Variants in POLA1 observed in about 807,000 individuals in gnomAD.
POLA1 encodes DNA polymerase alpha catalytic subunit.
In POLA1, 15 loss-of-function variants were observed where a neutral mutation model predicts 124.0. The ratio of observed to expected loss-of-function variants is 0.12; its 90% CI spans 0.08 to 0.19. POLA1 has a LOEUF of 0.19. Ranked by LOEUF, POLA1 falls within the 10% of genes least tolerant of loss-of-function variation. The probability of loss-of-function intolerance (pLI) is 1.00; values close to 1 mark genes in which losing one functional copy is unlikely to be tolerated. For synonymous variants in POLA1, 408 were observed against 389.4 expected (o/e 1.05, Z -0.56); for missense variants, 886 against 1,103.4 (o/e 0.80, Z 2.79).
At chrX:24,788,623 C>T in intron 26 of POLA1, 1 of 1,194,758 alleles carries the variant, frequency 8.4e-7, no homozygotes, top group Non-Finnish European at 1.1e-6. Flanking sequence ...TCTCATCATC[C>T]CAAGGTTTCA....
chrX:24,826,468 T>C lies in POLA1; in HGVS notation c.3603T>C (p.Pro1201=). ...NLTASQRAYA[P]EQLQKQDNLT... ...CTGCAAGTCAGAGGGCCTATGCGCC[T>C]GAGCAGCTGCAGAAACAGGATAATC... The change falls in exon 32 of 37, where the codon CCT becomes CCC. Residue 1201 remains proline, a synonymous_variant. Coordinates refer to ENST00000379068, the MANE Select transcript of POLA1 (RefSeq NM_001330360.2). The C allele has an allele frequency of 8.3e-7, 1 of 1,207,005 alleles. No homozygotes were observed. Among genetic ancestry groups the C allele is most frequent in the Non-Finnish European group, 1.1e-6 (1 of 891,896 alleles).
At chrX:24,857,401 G>T (rs1203150878) in intron 34 of POLA1, among the ~76,000 whole-genome samples, 3 of 110,770 alleles carry the variant, frequency 2.7e-5, no homozygotes, top group Non-Finnish European at 5.7e-5. Context: ...TAGTTTGTTT[G>T]CCTTTCCATA....
chrX:24,897,367 C>T (rs1006413961), intron 35 of POLA1, among the ~76,000 whole-genome samples: 43 of 97,397 alleles, frequency 4.4e-4, no homozygotes, highest in Non-Finnish European at 8.0e-4. Flanking sequence ...GCCCCCCCCC[C>T]CACCAACCCC....
At chrX:24,705,521 AG>A in intron 4 of POLA1, among the ~76,000 whole-genome samples, 1 of 111,635 alleles carries the variant, frequency 9.0e-6, no homozygotes, top group East Asian at 2.8e-4. Flanking sequence ...CCTAAGAATA[AG>A]GATACCTGAC....
At chrX:24,960,408 G>A (rs972994795) in intron 36 of POLA1, among the ~76,000 whole-genome samples, 14 of 111,893 alleles carry the variant, frequency 1.3e-4, no homozygotes, top group African/African-American at 3.9e-4. Context: ...ACTCTGAGGA[G>A]ATTGAAGTGG....
chrX:24,792,553 A>C (rs1052924596), intron 26 of POLA1, among the ~76,000 whole-genome samples: 14 of 112,412 alleles, frequency 1.2e-4, no homozygotes, highest in African/African-American at 4.5e-4. Context: ...AGAATCATTT[A>C]ATAAGGCATG....
intron 36 of POLA1, among the ~76,000 whole-genome samples, chrX:24,994,480 T>C (rs1187674113): frequency 4.4e-5 from 5 of 112,466 alleles, no homozygotes; most frequent in African/African-American, 9.7e-5. Context: ...CGGGAGGTGC[T>C]GGGCAGCCTT....
At chrX:24,896,047 G>A (rs1341866125) in intron 35 of POLA1, among the ~76,000 whole-genome samples, 4 of 111,976 alleles carry the variant, frequency 3.6e-5, no homozygotes, top group Non-Finnish European at 5.6e-5. Flanking sequence ...TGTAATCCCA[G>A]TGCTCCCTAA....
At position 24,826,666 on chromosome X, in the gene POLA1, T is replaced by C; in HGVS notation, c.3736+65T>C. The C allele has an allele frequency of 4.3e-6, 3 of 693,317 alleles. No homozygotes were observed. In the South Asian group the frequency reaches 9.0e-5, roughly 21 times the overall value. The allele number at this position is 693,317 out of a possible 1,213,427, so 57.1% of individuals were successfully genotyped here. On this transcript the variant is annotated intron_variant, in intron 32 of 36. Coordinates refer to ENST00000379068, the MANE Select transcript of POLA1 (RefSeq NM_001330360.2). ...AGGGGCACATGTAGTCTTCCTTGTC[T>C]CTTGAGATCTCTGCTTATGGGCATG...
chrX:24,778,612 T>A (rs1469691601), intron 26 of POLA1, among the ~76,000 whole-genome samples: 1 of 112,291 alleles, frequency 8.9e-6, no homozygotes, highest in East Asian at 2.8e-4. Context: ...TGAGAACTTT[T>A]GAAAAATCAT....
chrX:24,754,975 T>G (rs1460568361), intron 26 of POLA1, among the ~76,000 whole-genome samples: 1 of 112,743 alleles, frequency 8.9e-6, no homozygotes, highest in Non-Finnish European at 1.9e-5. Context: ...TTCCAAGTTT[T>G]CATTTGTCTT....
intron 26 of POLA1, 140 bp from the exon 27 acceptor site, chrX:24,809,758 A>G: frequency 1.8e-5 from 7 of 399,387 alleles, no homozygotes; most frequent in Non-Finnish European, 3.0e-5. Context: ...TGTTATTTTA[A>G]GGGCTGTTGT....
chrX:24,934,579 C>G (rs909741750), intron 36 of POLA1, among the ~76,000 whole-genome samples: 8 of 112,327 alleles, frequency 7.1e-5, no homozygotes, highest in African/African-American at 2.6e-4. Flanking sequence ...TCCTCATATT[C>G]TGTGTCAGCT....
chrX:24,754,445 C>T (rs1163261737), intron 26 of POLA1, among the ~76,000 whole-genome samples: 1 of 110,227 alleles, frequency 9.1e-6, no homozygotes, highest in Non-Finnish European at 1.9e-5. Flanking sequence ...TTAATAGAGA[C>T]GGGGTTTCTC....
At chrX:24,918,315 C>G (rs904831466) in intron 35 of POLA1, among the ~76,000 whole-genome samples, 1 of 110,999 alleles carries the variant, frequency 9.0e-6, no homozygotes, top group Admixed American at 9.6e-5. Flanking sequence ...CTATTAGTCA[C>G]TAAAACTACA....
rs763812090 is a variant in POLA1 at position 24,771,068 on chromosome X, C to T, written c.2964+22076C>T. ...TCTCCTAGTGAGATGCATTACATCT[C>T]AGCCCAGAATGCTGAAGGTTCTTGT... On this transcript the variant is annotated intron_variant, in intron 26 of 36. Transcript: ENST00000379068. Among the ~76,000 whole-genome samples, 5 of 111,525 alleles carry T rather than the reference C, an allele frequency of 4.5e-5. No individual in the cohort carries two copies. In the South Asian group the frequency reaches 1.1e-3, roughly 26 times the overall value.
At chrX:24,800,575 C>G (rs1298097372) in intron 26 of POLA1, among the ~76,000 whole-genome samples, 2 of 111,762 alleles carry the variant, frequency 1.8e-5, no homozygotes, top group African/African-American at 6.5e-5. Flanking sequence ...CAGATATAAC[C>G]CGAAGAATGG....
rs1253528098 is a variant in POLA1, at chrX:24,741,384, T to C, written c.2226T>C (p.Ser742=). ...ENIQNMYSES[S]QLLYLLEHTW... ...TTACTTTTCTGTACAGTGAATCTTC[T>C]CAACTGTTATACCTGTTGGAACACA... Residue 742 remains serine, a synonymous_variant, in exon 21 of 37, where the codon TCT becomes TCC. Coordinates refer to ENST00000379068, the MANE Select transcript of POLA1 (RefSeq NM_001330360.2). 1.7e-6 allele frequency: 2 copies of C among 1,193,616 alleles called. No homozygotes were observed. The highest frequency in any genetic ancestry group is 2.3e-6 in the Non-Finnish European group (2 of 880,558).
intron 26 of POLA1, among the ~76,000 whole-genome samples, chrX:24,752,443 A>G (rs1932367445): frequency 8.9e-6 from 1 of 112,299 alleles, no homozygotes; most frequent in African/African-American, 3.2e-5. Context: ...ATCTATAGAA[A>G]TACCATCTGT....
Sources: gnomAD v4.1 joint callset for allele counts (sites outside exome capture counted in the v4.1 genomes callset) on GRCh38, gnomAD v4.1.1 for gene constraint, MANE v1.5 for transcripts, NCBI Gene and HGNC (gene_info 2026-07-23, HGNC 2026-07-21) for gene names.